The following ERN1 variants were observed in gnomAD, a reference collection of about 807,000 sequenced individuals.
ERN1 encodes the protein serine/threonine-protein kinase/endoribonuclease IRE1.
Under a neutral mutation model 113.1 loss-of-function variants are expected in ERN1, and 39 were observed. That is an observed-to-expected ratio of 0.34 (90% CI 0.27 to 0.45). The LOEUF (loss-of-function observed/expected upper bound fraction) is 0.45. Ranked by LOEUF, ERN1 falls within the 20% of genes least tolerant of loss-of-function variation. The pLI, the probability that ERN1 is intolerant of heterozygous loss-of-function variation, is 1.00. For synonymous variants in ERN1, 507 were observed against 515.9 expected (o/e 0.98, Z 0.23); for missense variants, 976 against 1,274.8 (o/e 0.77, Z 3.57).
intron 11 of ERN1, 99 bp downstream of exon 11, chr17:64,060,370 A>AAAGCTTGCAGCTTT: frequency 1.3e-6 from 1 of 783,356 alleles, no homozygotes; most frequent in Admixed American, 1.9e-5. Context: ...CTTCCCTCCC[A>AAAGCTTGCAGCTTT]GACTAGGCTG....
intron 2 of ERN1, among the ~76,000 whole-genome samples, chr17:64,095,049 C>G (rs1914192170): frequency 6.6e-6 from 1 of 152,146 alleles, no homozygotes; most frequent in African/African-American, 2.4e-5. Flanking sequence ...CATCTTTAAT[C>G]TTTGTATAGA....
chr17:64,053,103 C>A, intron 16 of ERN1, 124 bp from the exon 17 acceptor site: 2 of 951,208 alleles, frequency 2.1e-6, no homozygotes, highest in South Asian at 1.7e-5. Context: ...TTCTGATTTT[C>A]AACTATGTCG....
intron 1 of ERN1, among the ~76,000 whole-genome samples, chr17:64,101,422 A>G (rs1170371407): frequency 6.6e-6 from 1 of 152,168 alleles, no homozygotes; most frequent in African/African-American, 2.4e-5. Flanking sequence ...AAAAAAAAAG[A>G]AAGGGAAAAC....
intron 3 of ERN1, 165 bp downstream of exon 3, chr17:64,080,610 C>T: frequency 1.6e-6 from 1 of 608,744 alleles, no homozygotes; most frequent in East Asian, 3.0e-5. Flanking sequence ...ACCACCTCCT[C>T]CTCAACACAA....
chr17:64,046,308 G>C (rs940786054), intron 19 of ERN1, among the ~76,000 whole-genome samples: 6 of 152,232 alleles, frequency 3.9e-5, no homozygotes, highest in Non-Finnish European at 7.3e-5. Context: ...ACACGTGTCT[G>C]AGCTGCAAAG....
intron 10 of ERN1, among the ~76,000 whole-genome samples, chr17:64,060,892 C>T (rs886336182): frequency 2.6e-5 from 4 of 152,132 alleles, no homozygotes; most frequent in African/African-American, 9.7e-5. Context: ...TGCATGGGCC[C>T]GATCCACAGG....
At chr17:64,104,436 A>G (rs1409430632) in intron 1 of ERN1, among the ~76,000 whole-genome samples, 2 of 152,144 alleles carry the variant, frequency 1.3e-5, no homozygotes, top group Non-Finnish European at 1.5e-5. Flanking sequence ...CAGGGGTTTC[A>G]GAAATGTTGC....
rs145774620 is a variant in ERN1 at position 64,114,430 on chromosome 17, A to G, written c.54+15546T>C. 9.8e-5 allele frequency among the ~76,000 whole-genome samples: 15 copies of G among 152,344 alleles called. 1 individual carries two copies. In the East Asian group the frequency reaches 2.9e-3, roughly 29 times the overall value. Reference sequence around the variant, plus strand: ...AAAAATGATGTTTGAGTTAAGATCTATAGGAAAGGGAGAAGGAAAGAAGAA... The same window carrying G: ...AAAAATGATGTTTGAGTTAAGATCTGTAGGAAAGGGAGAAGGAAAGAAGAA... On this transcript the variant is annotated intron_variant, in intron 1 of 21. Transcript: ENST00000433197.
intron 4 of ERN1, 70 bp from the exon 5 acceptor site, chr17:64,075,317 C>A (rs1390074712): frequency 7.6e-7 from 1 of 1,323,652 alleles, no homozygotes; most frequent in African/African-American, 1.5e-5. Flanking sequence ...TTTTACCAGG[C>A]AGTTTGTTTC....
chr17:64,075,058 C>A, intron 5 of ERN1, 117 bp downstream of exon 5: 1 of 859,502 alleles, frequency 1.2e-6, no homozygotes, highest in Non-Finnish European at 1.9e-6. Flanking sequence ...GAAGCACAAC[C>A]CAGGAAAGAA....
Position 64,053,300 on chromosome 17 carries a change from G to A in ERN1, c.2025C>T (p.Gly675=). 1 of 1,611,138 alleles carries A rather than the reference G, an allele frequency of 6.2e-7. No homozygotes were observed. The highest frequency in any genetic ancestry group is 8.5e-7 in the Non-Finnish European group (1 of 1,179,208). ...PITLLQQTTS[G]LAHLHSLNIV... ...TGTTGAGGGAGTGGAGGTGGGCCAG[G>A]CCCGAGGTGGTCTGCTGCAGCAAGG... is the stretch of plus-strand genomic sequence containing the variant. Residue 675 remains glycine, a synonymous_variant, in exon 16 of 22, where the codon GGC becomes GGT. Transcript: ENST00000433197.
chr17:64,077,776 C>G (rs553577848), intron 4 of ERN1, among the ~76,000 whole-genome samples: 2 of 150,494 alleles, frequency 1.3e-5, no homozygotes, highest in African/African-American at 2.4e-5. Context: ...GATGGAGTCT[C>G]GCTCTGTTGC....
chr17:64,090,382 C>T (rs16947481), intron 2 of ERN1, among the ~76,000 whole-genome samples: 7,298 of 152,286 alleles, frequency 0.048, 558 homozygotes, highest in African/African-American at 0.17. Flanking sequence ...TCATTTATCT[C>T]TACTTTGGCA....
At chr17:64,098,957 T>C (rs1015387537) in intron 1 of ERN1, among the ~76,000 whole-genome samples, 2 of 152,228 alleles carry the variant, frequency 1.3e-5, no homozygotes, top group Non-Finnish European at 2.9e-5. Flanking sequence ...ATCATCTTTC[T>C]GGAAAATATA....
At chr17:64,058,859 T>G (rs948563166) in intron 11 of ERN1, among the ~76,000 whole-genome samples, 1 of 152,122 alleles carries the variant, frequency 6.6e-6, no homozygotes, top group Admixed American at 6.6e-5. Flanking sequence ...ACCCCTCTTA[T>G]TCATGCCTCT....
intron 1 of ERN1, among the ~76,000 whole-genome samples, chr17:64,121,816 T>C (rs766098913): frequency 1.1e-4 from 17 of 152,176 alleles, no homozygotes; most frequent in African/African-American, 1.7e-4. Context: ...ACTCTCTCCA[T>C]GATTGCTGGA....
chr17:64,045,250 G>T, intron 20 of ERN1, 109 bp downstream of exon 20: 1 of 1,282,458 alleles, frequency 7.8e-7, no homozygotes, highest in Non-Finnish European at 1.1e-6. Context: ...AACCTGACAG[G>T]TGGGATGTGG....
intron 1 of ERN1, 143 bp from the exon 2 acceptor site, chr17:64,098,384 T>A (rs1489869475): frequency 1.9e-6 from 2 of 1,056,012 alleles, no homozygotes; most frequent in South Asian, 2.5e-5. Context: ...AGAGCCTAAA[T>A]TCCCACTCAG....
chr17:64,068,012 A>G (rs868002715), intron 7 of ERN1, 178 bp downstream of exon 7: 8 of 550,608 alleles, frequency 1.5e-5, no homozygotes, highest in Admixed American at 3.1e-5. Flanking sequence ...GACTTCACCA[A>G]GGCCCCTGCA....
Sources: allele counts gnomAD v4.1 joint callset (sites outside exome capture counted in the v4.1 genomes callset), GRCh38; gene constraint gnomAD v4.1.1; transcripts MANE v1.5; gene names NCBI Gene and HGNC (gene_info 2026-07-23, HGNC 2026-07-21).